Variants in CDK5RAP2 observed in about 807,000 individuals in gnomAD.
The protein encoded by CDK5RAP2 is CDK5 regulatory subunit associated protein 2.
In CDK5RAP2, 147 loss-of-function variants were observed where a neutral mutation model predicts 232.9. That is an observed-to-expected ratio of 0.63 (90% CI 0.55 to 0.72). The LOEUF is 0.72. Among genes scored for constraint, CDK5RAP2 ranks in the 30% least tolerant of loss-of-function variants. CDK5RAP2 has a pLI of 0.00. For synonymous variants in CDK5RAP2, 833 were observed against 833.7 expected (o/e 1.00, Z 0.01); for missense variants, 2,195 against 2,231.5 (o/e 0.98, Z 0.33).
intron 25 of CDK5RAP2, among the ~76,000 whole-genome samples, chr9:120,434,873 G>A (rs565470890): frequency 5.3e-5 from 8 of 152,314 alleles, no homozygotes; most frequent in Admixed American, 5.2e-4. Flanking sequence ...AGATAACTCA[G>A]AGTCCAGTCC....
intron 8 of CDK5RAP2, among the ~76,000 whole-genome samples, chr9:120,529,266 T>C (rs1407256397): frequency 1.3e-5 from 2 of 152,240 alleles, no homozygotes; most frequent in Non-Finnish European, 2.9e-5. Context: ...ATGCAGCAGC[T>C]ACTCCAACAA....
intron 5 of CDK5RAP2, among the ~76,000 whole-genome samples, chr9:120,541,496 A>T (rs1325353742): frequency 1.3e-5 from 2 of 152,192 alleles, no homozygotes; most frequent in African/African-American, 4.8e-5. Flanking sequence ...ATTTTCCTCT[A>T]CTAATGGAAT....
intron 16 of CDK5RAP2, 97 bp from the exon 17 acceptor site, chr9:120,470,317 A>G: frequency 1.5e-6 from 1 of 647,632 alleles, no homozygotes. Flanking sequence ...AATCCATCCA[A>G]AGCAATGTGA....
rs2037030050 is a variant in CDK5RAP2, at chr9:120,460,606, AAATT to A, written c.2164_2167del (p.Asn722SerfsTer2). 6.2e-7 allele frequency: 1 copy of A among 1,614,170 alleles called. No individual in the cohort carries two copies. The highest frequency in any genetic ancestry group is 8.5e-7 in the Non-Finnish European group (1 of 1,180,026). ...CTGCTGCAAATGCTGGTCACTCAGG[AAATT>A]AATCTCGTCATCCTCCCCAATTTTG... On this transcript the variant is annotated frameshift_variant, in exon 19 of 38. Transcript: ENST00000349780. LOFTEE classifies it high-confidence loss of function.
chr9:120,538,680 G>C (rs891559416), intron 6 of CDK5RAP2, among the ~76,000 whole-genome samples: 1 of 152,090 alleles, frequency 6.6e-6, no homozygotes, highest in African/African-American at 2.4e-5. Context: ...AAAATAATGG[G>C]GCTAAACTAG....
At chr9:120,519,128 C>G (rs554629550) in intron 11 of CDK5RAP2, among the ~76,000 whole-genome samples, 1 of 150,516 alleles carries the variant, frequency 6.6e-6, no homozygotes, top group Non-Finnish European at 1.5e-5. Flanking sequence ...GAGCCGAGAT[C>G]GTACCACTGC....
chr9:120,547,286 G>A (rs1480709024), intron 4 of CDK5RAP2, among the ~76,000 whole-genome samples: 6 of 151,782 alleles, frequency 4.0e-5, no homozygotes, highest in Non-Finnish European at 5.9e-5. Flanking sequence ...CACCGCATCC[G>A]GCCATATGTG....
chr9:120,506,928 G>T (rs1219696306), intron 12 of CDK5RAP2, among the ~76,000 whole-genome samples: 1 of 152,156 alleles, frequency 6.6e-6, no homozygotes, highest in Non-Finnish European at 1.5e-5. Flanking sequence ...GGGTTTGAGA[G>T]GACTGACTCC....
At chr9:120,442,576 G>C (rs533710806) in intron 23 of CDK5RAP2, among the ~76,000 whole-genome samples, 4 of 152,190 alleles carry the variant, frequency 2.6e-5, no homozygotes, top group Admixed American at 6.5e-5. Flanking sequence ...GTACTGACAG[G>C]GAAAGGGAAG....
At chr9:120,422,939 A>G (rs974541706) in intron 25 of CDK5RAP2, among the ~76,000 whole-genome samples, 198 bp from the exon 26 acceptor site, 3 of 152,236 alleles carry the variant, frequency 2.0e-5, no homozygotes, top group Non-Finnish European at 4.4e-5. Context: ...CATTGACACT[A>G]GTGCTAGGTG....
chr9:120,420,512 C>T (rs1189145426), intron 26 of CDK5RAP2, among the ~76,000 whole-genome samples: 1 of 152,074 alleles, frequency 6.6e-6, no homozygotes, highest in East Asian at 1.9e-4. Flanking sequence ...TCTCATGGTT[C>T]CCAAGCAGGT....
At position 120,580,008 on chromosome 9, in the gene CDK5RAP2, C is replaced by T. The variant is rs748871956; in HGVS notation, c.-30G>A. ...ACAGAGGTGGCGACAGCGTTGGTGT[C>T]TGTGGCGGCGGCGCCACTAGTACCC... On this transcript the variant is annotated 5_prime_UTR_variant, in exon 1 of 38. Transcript: ENST00000349780. 38 of 1,519,768 alleles carry T rather than the reference C, an allele frequency of 2.5e-5. No homozygotes were observed. Among genetic ancestry groups the T allele is most frequent in the Non-Finnish European group, 3.5e-5 (38 of 1,097,108 alleles). The allele number at this position is 1,519,768 out of a possible 1,614,324, so 94.1% of individuals were successfully genotyped here. A position where few individuals can be genotyped will look rare whatever the true frequency, so the allele number is the denominator to read the frequency against.
At chr9:120,444,184 C>T (rs2036058354) in intron 22 of CDK5RAP2, among the ~76,000 whole-genome samples, 2 of 152,230 alleles carry the variant, frequency 1.3e-5, no homozygotes. Context: ...GAGGCCGAGG[C>T]AGGGGGGCCA....
At chr9:120,519,595 C>T (rs1017029374) in intron 11 of CDK5RAP2, among the ~76,000 whole-genome samples, 9 of 152,200 alleles carry the variant, frequency 5.9e-5, no homozygotes, top group African/African-American at 1.7e-4. Flanking sequence ...AAAATACTTC[C>T]ACAAGGACAT....
chr9:120,542,495 C>CAA (rs369756744), intron 5 of CDK5RAP2, among the ~76,000 whole-genome samples: 86 of 93,410 alleles, frequency 9.2e-4, no homozygotes, highest in African/African-American at 2.1e-3. Context: ...GACTCCATCT[C>CAA]AAAAAAAAAA....
chr9:120,545,788 G>A lies in CDK5RAP2; in HGVS notation c.309C>T (p.Asn103=). The A allele has an allele frequency of 6.2e-7, 1 of 1,612,198 alleles. No individual in the cohort carries two copies. ...HGPTEHIYKT[N]IELKVEVESL... is the part of the protein sequence containing the mutation. ...TTTCTACTTCCACCTTGAGCTCAAT[G>A]TTCTACAAAACAAGATTAAGAAAGA... Residue 103 remains asparagine (N), a splice_region_variant and synonymous_variant, in exon 5 of 38, where the codon AAC becomes AAT. Transcript: ENST00000349780.
At chr9:120,460,309 A>C (rs561926312) in intron 19 of CDK5RAP2, among the ~76,000 whole-genome samples, 1 of 152,334 alleles carries the variant, frequency 6.6e-6, no homozygotes, top group Admixed American at 6.5e-5. Flanking sequence ...CAGGTCAAAC[A>C]TCCAATGCCT....
Position 120,545,776 on chromosome 9 carries a change from C to T in CDK5RAP2, c.321G>A (p.Lys107=), listed in dbSNP as rs768610231. 6.2e-7 allele frequency: 1 copy of T among 1,613,526 alleles called. No individual in the cohort carries two copies. Among genetic ancestry groups the T allele is most frequent in the Non-Finnish European group, 8.5e-7 (1 of 1,179,528 alleles). Residue 107 remains lysine (K), a synonymous_variant, in exon 5 of 38, where the codon AAG becomes AAA. Coordinates refer to ENST00000349780, the MANE Select transcript of CDK5RAP2 (RefSeq NM_018249.6). ...CCCGCTTCAGACTTTCTACTTCCAC[C>T]TTGAGCTCAATGTTCTACAAAACAA... ...EHIYKTNIEL[K]VEVESLKREL...
chr9:120,441,555 G>C (rs1280422534), intron 23 of CDK5RAP2, among the ~76,000 whole-genome samples: 1 of 152,210 alleles, frequency 6.6e-6, no homozygotes, highest in Non-Finnish European at 1.5e-5. Context: ...GGCCAGCCTG[G>C]AAAAATGCTA....
Sources: allele counts gnomAD v4.1 joint callset (sites outside exome capture counted in the v4.1 genomes callset), GRCh38; gene constraint gnomAD v4.1.1; transcripts MANE v1.5; gene names NCBI Gene and HGNC (gene_info 2026-07-23, HGNC 2026-07-21).